The following RAB3GAP2 variants were observed in gnomAD, a reference collection of about 807,000 sequenced individuals.
RAB3GAP2 encodes RAB3 GTPase activating non-catalytic protein subunit 2.
Under a neutral mutation model 185.3 loss-of-function variants are expected in RAB3GAP2, and 87 were observed. The ratio of observed to expected loss-of-function variants is 0.47; its 90% CI spans 0.39 to 0.56. The LOEUF (loss-of-function observed/expected upper bound fraction) is 0.56. Among genes scored for constraint, RAB3GAP2 ranks in the 20% least tolerant of loss-of-function variants. The pLI, the probability that RAB3GAP2 is intolerant of heterozygous loss-of-function variation, is 0.00. For synonymous variants in RAB3GAP2, 554 were observed against 576.1 expected, an observed-to-expected ratio of 0.96 and a Z score of 0.55; for missense variants, 1,492 against 1,638.2, an observed-to-expected ratio of 0.91 and a Z score of 1.54.
At chr1:220,159,318 G>GTTAA in intron 29 of RAB3GAP2, 68 bp downstream of exon 29, 1 of 1,302,106 alleles carries the variant, frequency 7.7e-7, no homozygotes, top group East Asian at 2.3e-5. Flanking sequence ...CACCTATACA[G>GTTAA]TTAATAAAGT....
intron 22 of RAB3GAP2, 36 bp from the exon 23 acceptor site, chr1:220,172,085 T>TA (rs780738040): frequency 6.2e-7 from 1 of 1,608,142 alleles, no homozygotes; most frequent in African/African-American, 1.3e-5. Context: ...AATAAACTCT[T>TA]ACCCTGTCAA....
At chr1:220,248,479 A>C (rs1659860508) in intron 1 of RAB3GAP2, among the ~76,000 whole-genome samples, 1 of 152,138 alleles carries the variant, frequency 6.6e-6, no homozygotes, top group African/African-American at 2.4e-5. Flanking sequence ...TTTGTTGATT[A>C]TACTTCAATA....
At chr1:220,203,338 G>T (rs1329800176) in intron 8 of RAB3GAP2, among the ~76,000 whole-genome samples, 1 of 152,026 alleles carries the variant, frequency 6.6e-6, no homozygotes, top group Non-Finnish European at 1.5e-5. Context: ...GCTGAGTTCT[G>T]GCTGTTTATT....
At chr1:220,181,824 A>G (rs1241838700) in intron 21 of RAB3GAP2, among the ~76,000 whole-genome samples, 1 of 151,898 alleles carries the variant, frequency 6.6e-6, no homozygotes. Flanking sequence ...TCATGCGGGG[A>G]GGATTGCTTC....
chr1:220,182,857 T>C lies in RAB3GAP2; in HGVS notation c.2073A>G (p.Gln691=). ...ATCGAACATTTGTCCTGGTGTTCTC[T>C]TGCTTATATTTCTCTAGTAATGCCT... The part of the protein sequence containing the change: ...KLQALLEKYK[Q]ENTRTNVRFS... Residue 691 remains glutamine, a synonymous_variant, in exon 20 of 35, where the codon CAA becomes CAG. Transcript: ENST00000358951. The C allele has an allele frequency of 2.5e-6, 4 of 1,613,648 alleles. No homozygotes were observed. The highest frequency in any genetic ancestry group is 3.4e-6 in the Non-Finnish European group (4 of 1,179,740).
chr1:220,230,588 A>G (rs1447426923), intron 2 of RAB3GAP2, among the ~76,000 whole-genome samples: 1 of 152,130 alleles, frequency 6.6e-6, no homozygotes, highest in Non-Finnish European at 1.5e-5. Context: ...GCATATCTCT[A>G]CTTCTTAGCA....
intron 1 of RAB3GAP2, among the ~76,000 whole-genome samples, chr1:220,244,953 A>T (rs1301344085): frequency 6.6e-6 from 1 of 152,218 alleles, no homozygotes; most frequent in East Asian, 1.9e-4. Context: ...GTGCAGCAAA[A>T]ACAAAAATAA....
chr1:220,260,293 T>C (rs958965090), intron 1 of RAB3GAP2, among the ~76,000 whole-genome samples: 7 of 149,408 alleles, frequency 4.7e-5, no homozygotes, highest in Non-Finnish European at 7.4e-5. Context: ...TGCCCACATA[T>C]GTTCACTGCA....
In RAB3GAP2 at chr1:220,225,797, C is replaced by T. The variant is rs1370536520; in HGVS notation, c.180+7002G>A. On this transcript the variant is annotated intron_variant, in intron 2 of 34. Coordinates refer to ENST00000358951, the MANE Select transcript of RAB3GAP2 (RefSeq NM_012414.4). ...CCTTATGGTGTAAGTGTTCTTCTTC[C>T]GCCTCTGGTCAGTCTGATGCTCATG... is the stretch of plus-strand genomic sequence containing the variant. 2.6e-5 allele frequency among the ~76,000 whole-genome samples: 4 copies of T among 152,164 alleles called. No homozygotes were observed. The South Asian group carries it at 6.2e-4, about 24-fold the overall frequency.
intron 6 of RAB3GAP2, 40 bp from the exon 7 acceptor site, chr1:220,210,529 A>T (rs998854337): frequency 2.0e-6 from 3 of 1,467,812 alleles, no homozygotes; most frequent in Admixed American, 1.7e-5. Context: ...TTGTTTTCTT[A>T]CCAATATACC....
At position 220,171,893 on chromosome 1, in the gene RAB3GAP2, TTC is replaced by T. The variant is rs1235867749; in HGVS notation, c.2571_2572del (p.Lys859IlefsTer9). 1 of 1,614,074 alleles carries T rather than the reference TTC, an allele frequency of 6.2e-7. No homozygotes were observed. The highest frequency in any genetic ancestry group is 8.5e-7 in the Non-Finnish European group (1 of 1,180,042). On this transcript the variant is annotated frameshift_variant, in exon 23 of 35. Transcript: ENST00000358951. LOFTEE classifies it high-confidence loss of function. Reference sequence around the variant, plus strand: ...GCCATACCTTTACCCACTTACTTTTTTCTCTGTCATGTTGTTTGATATCTGTG... The same window carrying T: ...GCCATACCTTTACCCACTTACTTTTTTCTGTCATGTTGTTTGATATCTGTG...
chr1:220,151,802 T>G (rs1291812044), intron 33 of RAB3GAP2, 38 bp from the exon 34 acceptor site: 1 of 1,554,024 alleles, frequency 6.4e-7, no homozygotes, highest in South Asian at 1.1e-5. Flanking sequence ...ACAGTCAGAG[T>G]GAGCAGATTT....
chr1:220,244,113 T>C (rs1365901430), intron 1 of RAB3GAP2, among the ~76,000 whole-genome samples: 1 of 152,150 alleles, frequency 6.6e-6, no homozygotes, highest in Non-Finnish European at 1.5e-5. Context: ...AAAGAGGAAG[T>C]AAAAGTGTTG....
At chr1:220,211,591 T>C (rs1659086552) in intron 4 of RAB3GAP2, among the ~76,000 whole-genome samples, 1 of 152,226 alleles carries the variant, frequency 6.6e-6, no homozygotes, top group South Asian at 2.1e-4. Flanking sequence ...ATAAAAAAGA[T>C]ATATTTTTTT....
At chr1:220,259,780 G>T (rs1660100807) in intron 1 of RAB3GAP2, among the ~76,000 whole-genome samples, 1 of 152,148 alleles carries the variant, frequency 6.6e-6, no homozygotes, top group African/African-American at 2.4e-5. Context: ...CACAGCAAAA[G>T]AAACTATTGT....
chr1:220,192,280 T>G (rs1330748793), intron 13 of RAB3GAP2, among the ~76,000 whole-genome samples: 1 of 152,238 alleles, frequency 6.6e-6, no homozygotes, highest in African/African-American at 2.4e-5. Flanking sequence ...AGACTGCCTC[T>G]GTCTATCACT....
chr1:220,222,793 C>A (rs1659332084), intron 2 of RAB3GAP2, among the ~76,000 whole-genome samples: 1 of 152,074 alleles, frequency 6.6e-6, no homozygotes, highest in East Asian at 1.9e-4. Context: ...AAGAAAAACC[C>A]CCAAAAACCC....
chr1:220,220,501 A>T (rs1298487907), intron 2 of RAB3GAP2: 2 of 152,414 alleles, frequency 1.3e-5, no homozygotes, highest in African/African-American at 4.8e-5. Flanking sequence ...CTTGCTGCTG[A>T]AAAGGCCTCT....
chr1:220,193,187 C>T lies in RAB3GAP2; in HGVS notation c.1270+53G>A, dbSNP rs1286350725. ...GCTGAAGGATGATAACATTGCTCAA[C>T]TATTGGGGTAAAAAGTGAATTAATT... On this transcript the variant is annotated intron_variant, in intron 13 of 34. Transcript: ENST00000358951. 8 of 1,597,108 alleles carry T rather than the reference C, an allele frequency of 5.0e-6. No homozygotes were observed. In the East Asian group the frequency reaches 1.6e-4, roughly 31 times the overall value.
Sources: allele counts gnomAD v4.1 joint callset (sites outside exome capture counted in the v4.1 genomes callset), GRCh38; gene constraint gnomAD v4.1.1; transcripts MANE v1.5; gene names NCBI Gene and HGNC (gene_info 2026-07-23, HGNC 2026-07-21).